The following MAPK10 variants were observed in gnomAD, a reference collection of about 807,000 sequenced individuals.
The protein encoded by MAPK10 is JNK3 alpha protein kinase.
MAPK10 carries 25 observed loss-of-function variants against 59.3 expected under a neutral mutation model. The observed-to-expected ratio is 0.42, with a 90% CI of 0.31 to 0.59. MAPK10 has a LOEUF of 0.59. Ranked by LOEUF, MAPK10 falls within the 20% of genes least tolerant of loss-of-function variation. MAPK10 has a pLI of 0.15. For missense variants in MAPK10, 351 were observed against 568.9 expected (o/e 0.62, Z 3.90); for synonymous variants, 190 against 200.5 (o/e 0.95, Z 0.44).
At chr4:86,158,069 A>G (rs113204846) in intron 4 of MAPK10, among the ~76,000 whole-genome samples, 25 of 152,098 alleles carry the variant, frequency 1.6e-4, no homozygotes, top group African/African-American at 5.3e-4. Context: ...AGTTACAGCA[A>G]TTGTCTTAAT....
chr4:86,410,985 G>T (rs1301036791), intron 1 of MAPK10, among the ~76,000 whole-genome samples: 2 of 152,050 alleles, frequency 1.3e-5, no homozygotes. Context: ...TCTTTTAATT[G>T]TGATGTTAGG....
intron 1 of MAPK10, among the ~76,000 whole-genome samples, chr4:86,521,512 TG>T (rs1757108305): frequency 6.6e-6 from 1 of 151,994 alleles, no homozygotes; most frequent in African/African-American, 2.4e-5. Context: ...CTCAGGCCAA[TG>T]GGGTTATGTT....
intron 2 of MAPK10, among the ~76,000 whole-genome samples, chr4:86,353,352 T>A (rs1035146966): frequency 6.6e-6 from 1 of 152,208 alleles, no homozygotes; most frequent in African/African-American, 2.4e-5. Flanking sequence ...TCACAGATTC[T>A]CAATAAGAGT....
intron 1 of MAPK10, among the ~76,000 whole-genome samples, chr4:86,384,671 G>A (rs1269684562): frequency 3.3e-5 from 5 of 152,108 alleles, no homozygotes; most frequent in South Asian, 4.2e-4. Context: ...AAAGAGAAGC[G>A]GCTGCACTCA....
At chr4:86,588,344 T>A (rs888600019) in intron 1 of MAPK10, among the ~76,000 whole-genome samples, 1 of 152,216 alleles carries the variant, frequency 6.6e-6, no homozygotes, top group Non-Finnish European at 1.5e-5. Context: ...ATAACAAAAG[T>A]AACATATGGT....
At chr4:86,440,392 T>C (rs891175126) in intron 1 of MAPK10, among the ~76,000 whole-genome samples, 1 of 152,154 alleles carries the variant, frequency 6.6e-6, no homozygotes, top group Admixed American at 6.5e-5. Flanking sequence ...CCCAGCACTT[T>C]GGGAGGATGA....
intron 9 of MAPK10, among the ~76,000 whole-genome samples, chr4:86,074,921 CT>C (rs1672339865): frequency 7.3e-6 from 1 of 136,180 alleles, no homozygotes; most frequent in African/African-American, 2.9e-5. Flanking sequence ...TCTGTATTTC[CT>C]GAATCTGAAC....
intron 2 of MAPK10, among the ~76,000 whole-genome samples, chr4:86,306,605 G>T (rs985021193): frequency 5.9e-5 from 9 of 152,148 alleles, no homozygotes; most frequent in African/African-American, 2.2e-4. Flanking sequence ...TTACAGTGTA[G>T]TGTGCCCAGA....
intron 11 of MAPK10, among the ~76,000 whole-genome samples, chr4:86,055,305 C>T (rs2044347503): frequency 6.6e-6 from 1 of 150,610 alleles, no homozygotes; most frequent in East Asian, 1.9e-4. Flanking sequence ...AGTAGTTTGT[C>T]TTACTTGTGA....
intron 1 of MAPK10, among the ~76,000 whole-genome samples, chr4:86,582,700 T>C (rs1242650057): frequency 6.6e-6 from 1 of 152,144 alleles, no homozygotes; most frequent in African/African-American, 2.4e-5. Context: ...CAAACAGGAA[T>C]TGGGAACTAA....
intron 1 of MAPK10, among the ~76,000 whole-genome samples, chr4:86,465,185 C>T (rs1322868592): frequency 6.6e-6 from 1 of 152,154 alleles, no homozygotes; most frequent in African/African-American, 2.4e-5. Context: ...GTGTGGACAC[C>T]TTTTCTCACT....
chr4:86,499,616 T>G (rs951846409), intron 1 of MAPK10, among the ~76,000 whole-genome samples: 2 of 152,198 alleles, frequency 1.3e-5, no homozygotes, highest in African/African-American at 4.8e-5. Flanking sequence ...TAATCGTTGA[T>G]TTTGCTTGCT....
chr4:86,211,207 A>G (rs1032377023), intron 2 of MAPK10, among the ~76,000 whole-genome samples: 2 of 152,056 alleles, frequency 1.3e-5, no homozygotes, highest in African/African-American at 4.8e-5. Flanking sequence ...GTTTGATGAA[A>G]GATATAAACA....
At chr4:86,338,850 T>A (rs906602441) in intron 2 of MAPK10, among the ~76,000 whole-genome samples, 3 of 70,124 alleles carry the variant, frequency 4.3e-5, no homozygotes, top group East Asian at 5.4e-4. Flanking sequence ...TTTTAGTGTT[T>A]AGTGTTAACA....
chr4:86,470,191 C>T (rs1381905594), intron 1 of MAPK10, among the ~76,000 whole-genome samples: 1 of 152,076 alleles, frequency 6.6e-6, no homozygotes, highest in Non-Finnish European at 1.5e-5. Flanking sequence ...TATAAAGCAG[C>T]CAACAGAGGA....
At chr4:86,592,560 A>C (rs1288114740) in intron 1 of MAPK10, among the ~76,000 whole-genome samples, 9 of 152,204 alleles carry the variant, frequency 5.9e-5, no homozygotes, top group Admixed American at 5.9e-4. Flanking sequence ...ACAGAGACAG[A>C]TGTTTCATGA....
chr4:86,588,395 G>A (rs980320482), intron 1 of MAPK10, among the ~76,000 whole-genome samples: 9 of 151,848 alleles, frequency 5.9e-5, no homozygotes, highest in East Asian at 1.9e-4. Context: ...AATGTTTTCC[G>A]TAATTATAAT....
intron 11 of MAPK10, chr4:86,032,345 A>G (rs2039240523): frequency 1.3e-5 from 2 of 149,684 alleles, no homozygotes; most frequent in South Asian, 2.1e-4. Context: ...ATATGGAAAG[A>G]AAAAAAAAAG....
chr4:86,191,509 TTGTC>T (rs1159996797), intron 3 of MAPK10: 1 of 151,228 alleles, frequency 6.6e-6, no homozygotes, highest in Non-Finnish European at 1.5e-5. Context: ...ATGCCTTTCT[TTGTC>T]TTTTTTGATC....
Sources: gnomAD v4.1 joint callset for allele counts (sites outside exome capture counted in the v4.1 genomes callset) on GRCh38, gnomAD v4.1.1 for gene constraint, MANE v1.5 for transcripts, NCBI Gene and HGNC (gene_info 2026-07-23, HGNC 2026-07-21) for gene names.